The following SLC22A24 variants were observed in gnomAD, a reference collection of about 807,000 sequenced individuals.
SLC22A24 encodes the protein steroid transmembrane transporter SLC22A24.
Under a neutral mutation model 49.8 loss-of-function variants are expected in SLC22A24, and 53 were observed. The observed-to-expected ratio is 1.06, with a 90% CI of 0.85 to 1.34. The LOEUF (loss-of-function observed/expected upper bound fraction) is 1.34. Among genes scored for constraint, SLC22A24 ranks in the 40% most tolerant of loss-of-function variants. SLC22A24 has a pLI of 0.00. For missense variants in SLC22A24, 786 were observed against 675.9 expected (o/e 1.16, Z -1.81); for synonymous variants, 302 against 256.4 (o/e 1.18, Z -1.70).
chr11:63,118,926 G>A lies in SLC22A24; in HGVS notation c.816C>T (p.Leu272=). ...ATTGTTCATACCAAGAGGACAAGAAGAGGACAATTATGGGTGTAGACACAG... is the reference window on the plus strand; with the variant it reads ...ATTGTTCATACCAAGAGGACAAGAAAAGGACAATTATGGGTGTAGACACAG... ...QLTVSTPIIV[L]FLSSWKMVES... The change falls in exon 4 of 10, where the codon CTC becomes CTT. Residue 272 remains leucine, a synonymous_variant. Transcript: ENST00000612278. 2 of 1,552,084 alleles carry A rather than the reference G, an allele frequency of 1.3e-6. No homozygotes were observed. The highest frequency in any genetic ancestry group is 1.7e-6 in the Non-Finnish European group (2 of 1,147,056).
chr11:63,103,880 G>A (rs1409203740), intron 5 of SLC22A24, among the ~76,000 whole-genome samples: 1 of 152,128 alleles, frequency 6.6e-6, no homozygotes, highest in Admixed American at 6.5e-5. Flanking sequence ...CCATGAGTCA[G>A]TAAAATAGTG....
intron 1 of SLC22A24, among the ~76,000 whole-genome samples, chr11:63,139,946 G>T (rs2087402849): frequency 6.6e-6 from 1 of 151,906 alleles, no homozygotes; most frequent in Admixed American, 6.6e-5. Flanking sequence ...ATATGTAAAA[G>T]AGCTCTGATT....
At position 63,081,550 on chromosome 11, in the gene SLC22A24, T is replaced by C. The variant is rs1326970061; in HGVS notation, c.1394+8A>G. 1.4e-5 allele frequency: 21 copies of C among 1,541,934 alleles called. No individual in the cohort carries two copies. Among genetic ancestry groups the C allele is most frequent in the Middle Eastern group, 1.7e-4 (1 of 5,996 alleles). On this transcript the variant is annotated splice_region_variant and intron_variant, in intron 8 of 9. Coordinates refer to ENST00000612278, the MANE Select transcript of SLC22A24 (RefSeq NM_001136506.2). ...GTTTTGAAACCAGATGGTCTTTAGC[T>C]CTTGTACCTCAATATGGTGGGGACG...
intron 6 of SLC22A24, among the ~76,000 whole-genome samples, chr11:63,091,560 C>A (rs767277884): frequency 6.6e-6 from 1 of 152,132 alleles, no homozygotes; most frequent in East Asian, 1.9e-4. Flanking sequence ...TTATCCACCA[C>A]GATCAAGTCA....
Position 63,100,981 on chromosome 11 carries a change from C to A in SLC22A24, c.954+3194G>T, listed in dbSNP as rs142286986. On this transcript the variant is annotated intron_variant, in intron 5 of 9. Coordinates refer to ENST00000612278, the MANE Select transcript of SLC22A24 (RefSeq NM_001136506.2). ...TGGGGAAACTCTCCAGGTCATTGGT[C>A]TGGGCAAAGATTTCTTGAGTAATAT... Among the ~76,000 whole-genome samples, 81 of 152,200 alleles carry A rather than the reference C, an allele frequency of 5.3e-4. 1 individual carries two copies. Among genetic ancestry groups the A allele is most frequent in the African/African-American group, 1.7e-3 (69 of 41,570 alleles).
chr11:63,106,851 T>G (rs1403949986), intron 4 of SLC22A24, among the ~76,000 whole-genome samples: 5 of 152,206 alleles, frequency 3.3e-5, no homozygotes, highest in Non-Finnish European at 5.9e-5. Flanking sequence ...ATGAGTAGGT[T>G]GCAAAAATTT....
At chr11:63,141,361 T>C (rs1051872179) in intron 1 of SLC22A24, among the ~76,000 whole-genome samples, 1 of 152,206 alleles carries the variant, frequency 6.6e-6, no homozygotes, top group African/African-American at 2.4e-5. Context: ...CAGATTTAGT[T>C]GGCCTCATGC....
rs116618100 is a variant in SLC22A24, at chr11:63,080,598, T to C, written c.1598+322A>G. On this transcript the variant is annotated intron_variant, in intron 9 of 9. Transcript: ENST00000612278. Reference sequence around the variant, plus strand: ...AATGAGGCATTTGAGTCTTAGCAGATTTGTGAGAAAACAACAGGAGTGTGT... The same window carrying C: ...AATGAGGCATTTGAGTCTTAGCAGACTTGTGAGAAAACAACAGGAGTGTGT... Among the ~76,000 whole-genome samples, 1,419 of 152,308 alleles carry C rather than the reference T, an allele frequency of 9.3e-3. 30 individuals are homozygous for C. Among genetic ancestry groups the C allele is most frequent in the African/African-American group, 0.031 (1,268 of 41,560 alleles).
At chr11:63,125,505 G>T (rs899903235) in intron 2 of SLC22A24, among the ~76,000 whole-genome samples, 10 of 152,142 alleles carry the variant, frequency 6.6e-5, no homozygotes, top group African/African-American at 2.4e-4. Context: ...TTTTATGGCT[G>T]CATAGTATTC....
chr11:63,110,145 A>T (rs1486475913), intron 4 of SLC22A24, among the ~76,000 whole-genome samples: 1 of 151,022 alleles, frequency 6.6e-6, no homozygotes, highest in African/African-American at 2.4e-5. Context: ...TTTGTCAAAG[A>T]TCAGATAGTT....
intron 6 of SLC22A24, among the ~76,000 whole-genome samples, chr11:63,091,205 G>A (rs2087018585): frequency 6.6e-6 from 1 of 152,090 alleles, no homozygotes; most frequent in African/African-American, 2.4e-5. Context: ...ATGAACTTAG[G>A]AAGAAGTCAA....
Position 63,143,446 on chromosome 11 carries a change from C to A in SLC22A24, c.334G>T (p.Asp112Tyr). 6.3e-7 allele frequency: 1 copy of A among 1,577,718 alleles called. No individual in the cohort carries two copies. The highest frequency in any genetic ancestry group is 8.6e-7 in the Non-Finnish European group (1 of 1,163,692). The change falls in exon 1 of 10, where the codon GAC becomes TAC. Residue 112 changes from aspartate (D) to tyrosine (Y), a missense_variant. By Grantham distance (160) the Asp-to-Tyr change is radical. Transcript: ENST00000612278. ...CAGCCATCCACACAGGGCTCCGTGTCTGGCTCATTTGTGTTGGGGAAGGTC... is the reference window on the plus strand; with the variant it reads ...CAGCCATCCACACAGGGCTCCGTGTATGGCTCATTTGTGTTGGGGAAGGTC... ...NGTFPNTNEP[D>Y]TEPCVDGWVY...
chr11:63,127,883 A>G (rs1297138333), intron 2 of SLC22A24, among the ~76,000 whole-genome samples: 1 of 151,912 alleles, frequency 6.6e-6, no homozygotes, highest in East Asian at 1.9e-4. Flanking sequence ...TCAGATGGAT[A>G]GACTACAAAA....
chr11:63,097,258 T>G (rs919016752), intron 5 of SLC22A24, among the ~76,000 whole-genome samples: 1 of 151,282 alleles, frequency 6.6e-6, no homozygotes, highest in Admixed American at 6.6e-5. Flanking sequence ...CATCAAAAAG[T>G]GGGTGAAGTA....
In SLC22A24 at chr11:63,143,879, A is replaced by G. The variant is rs2087434484; in HGVS notation, c.-100T>C. 8 of 1,021,304 alleles carry G rather than the reference A, an allele frequency of 7.8e-6. No homozygotes were observed. The Admixed American group carries it at 2.0e-4, about 26-fold the overall frequency. 63.3% of individuals were successfully genotyped at this position (1,021,304 alleles called of 1,614,324 possible). A position where few individuals can be genotyped will look rare whatever the true frequency, so the allele number is the denominator to read the frequency against. ...CCTTTCACAAAGTTACCATAGTGCCATGTGGATCCTGACACTGCTTTCTTC... is the reference window on the plus strand; with the variant it reads ...CCTTTCACAAAGTTACCATAGTGCCGTGTGGATCCTGACACTGCTTTCTTC... On this transcript the variant is annotated 5_prime_UTR_variant, in exon 1 of 10. An upstream start codon of the reference 5' UTR is lost. Transcript: ENST00000612278.
chr11:63,121,488 A>G (rs1355513797), intron 2 of SLC22A24, among the ~76,000 whole-genome samples: 1 of 147,650 alleles, frequency 6.8e-6, no homozygotes, highest in Non-Finnish European at 1.5e-5. Flanking sequence ...AGATATGCAC[A>G]TGAAACTAGA....
At chr11:63,104,435 T>C (rs1437986921) in intron 4 of SLC22A24, 137 bp from the exon 5 acceptor site, 6 of 872,296 alleles carry the variant, frequency 6.9e-6, no homozygotes, top group Non-Finnish European at 1.0e-5. Context: ...CAAATTGGCC[T>C]CCTCTGCTGG....
chr11:63,122,272 G>T (rs117170767), intron 2 of SLC22A24, among the ~76,000 whole-genome samples: 1 of 152,074 alleles, frequency 6.6e-6, no homozygotes, highest in Non-Finnish European at 1.5e-5. Context: ...AGTCTCACAC[G>T]CTCTTTCATA....
chr11:63,121,615 A>T (rs573352129), intron 2 of SLC22A24, among the ~76,000 whole-genome samples: 159 of 152,088 alleles, frequency 1.0e-3, no homozygotes, highest in Middle Eastern at 6.8e-3. Context: ...GCTTTAAAAA[A>T]TTTTTTATTT....
Sources: allele counts gnomAD v4.1 joint callset (sites outside exome capture counted in the v4.1 genomes callset), GRCh38; gene constraint gnomAD v4.1.1; transcripts MANE v1.5; gene names NCBI Gene and HGNC (gene_info 2026-07-23, HGNC 2026-07-21).